Variants in RAD51AP1 observed in about 807,000 individuals in gnomAD.
RAD51AP1 encodes the protein RAD51 associated protein 1.
In RAD51AP1, 14 loss-of-function variants were observed where a neutral mutation model predicts 34.3. The ratio of observed to expected loss-of-function variants is 0.41; its 90% CI spans 0.27 to 0.64. RAD51AP1 has a LOEUF of 0.64. Among genes scored for constraint, RAD51AP1 ranks in the 30% least tolerant of loss-of-function variants. The probability of loss-of-function intolerance (pLI) is 0.33; values close to 1 mark genes in which losing one functional copy is unlikely to be tolerated. For missense variants in RAD51AP1, 348 were observed against 386.9 expected, an observed-to-expected ratio of 0.90 and a Z score of 0.84; for synonymous variants, 114 against 129.8, an observed-to-expected ratio of 0.88 and a Z score of 0.83.
rs1249856130 is a variant in RAD51AP1, at chr12:4,558,928, C to G, written c.943C>G (p.Leu315Val). ...VVSVKSPNQS[L>V]RLGLSRLARV... ...GTCTGTGAAGTCTCCCAATCAGAGTCTCCGCCTTGGCTTGTCCAGATTAGC... is the reference window on the plus strand; with the variant it reads ...GTCTGTGAAGTCTCCCAATCAGAGTGTCCGCCTTGGCTTGTCCAGATTAGC... Residue 315 changes from leucine to valine, a missense_variant, in exon 9 of 9, where the codon CTC (leucine) becomes GTC (valine). Coordinates refer to ENST00000352618, the MANE Select transcript of RAD51AP1 (RefSeq NM_006479.5). 6.2e-7 allele frequency: 1 copy of G among 1,614,162 alleles called. No homozygotes were observed. The highest frequency in any genetic ancestry group is 2.2e-5 in the East Asian group (1 of 44,886).
chr12:4,553,782 A>T (rs1354956475), intron 7 of RAD51AP1, among the ~76,000 whole-genome samples: 1 of 152,170 alleles, frequency 6.6e-6, no homozygotes, highest in African/African-American at 2.4e-5. Context: ...ATAGTATATG[A>T]TAGGTTATTG....
intron 7 of RAD51AP1, among the ~76,000 whole-genome samples, chr12:4,555,009 T>G (rs1944572514): frequency 6.6e-6 from 1 of 152,196 alleles, no homozygotes; most frequent in South Asian, 2.1e-4. Flanking sequence ...AAAACATTTC[T>G]ATAATCACAG....
chr12:4,553,335 G>A, intron 7 of RAD51AP1, 188 bp downstream of exon 7: 1 of 429,764 alleles, frequency 2.3e-6, no homozygotes. Flanking sequence ...CACTACGTAT[G>A]CTAGCACTTA....
At chr12:4,550,345 A>G (rs1565526066) in intron 6 of RAD51AP1, among the ~76,000 whole-genome samples, 1 of 152,254 alleles carries the variant, frequency 6.6e-6, no homozygotes, top group East Asian at 1.9e-4. Context: ...ATGCAGTATC[A>G]GAACTATTGG....
rs113155979 is a variant in RAD51AP1, at chr12:4,543,877, C to A, written c.182C>A (p.Pro61Gln). 3 of 1,611,652 alleles carry A rather than the reference C, an allele frequency of 1.9e-6. No individual in the cohort carries two copies. The Admixed American group carries it at 5.0e-5, about 27-fold the overall frequency. ...AACAATCTCCGGAAAGAAGAAATCC[C>A]AGTACAAGAGAAAACCCCTAAAAAA... ...NLNNLRKEEI[P>Q]VQEKTPKKRM... The change falls in exon 3 of 9, where the codon CCA (proline) becomes CAA (glutamine). Residue 61 changes from proline (P) to glutamine (Q), a missense_variant. Coordinates refer to ENST00000352618, the MANE Select transcript of RAD51AP1 (RefSeq NM_006479.5).
chr12:4,547,867 G>T lies in RAD51AP1; in HGVS notation c.320-225G>T, dbSNP rs114146840. ...TCTTAGGATAAGCAACTTGCCCATG[G>T]TCATATAGCCAGTTTACATGGTAGA... On this transcript the variant is annotated intron_variant, in intron 4 of 8. Coordinates refer to ENST00000352618, the MANE Select transcript of RAD51AP1 (RefSeq NM_006479.5). Among the ~76,000 whole-genome samples the T allele has an allele frequency of 1.8e-3, 274 of 152,256 alleles. 1 individual carries two copies. The highest frequency in any genetic ancestry group is 6.3e-3 in the African/African-American group (261 of 41,554).
rs1944487298 is a variant in RAD51AP1 at position 4,543,902 on chromosome 12, A to G, written c.207A>G (p.Lys69=). ...CAGTACAAGAGAAAACCCCTAAAAA[A>G]AGGTGAGAGGTAAGACATGCAGTAA... is the stretch of plus-strand genomic sequence containing the variant. ...EIPVQEKTPK[K]RMALDDKLYQ... is the part of the protein sequence containing the mutation. The change falls in exon 3 of 9, where the codon AAA becomes AAG. Residue 69 remains lysine (K), a splice_region_variant and synonymous_variant. Coordinates refer to ENST00000352618, the MANE Select transcript of RAD51AP1 (RefSeq NM_006479.5). 6.2e-7 allele frequency: 1 copy of G among 1,606,890 alleles called. No homozygotes were observed. Among genetic ancestry groups the G allele is most frequent in the Non-Finnish European group, 8.5e-7 (1 of 1,176,728 alleles).
chr12:4,543,640 A>T (rs999651377), intron 2 of RAD51AP1, 123 bp from the exon 3 acceptor site: 2 of 635,782 alleles, frequency 3.1e-6, no homozygotes, highest in Middle Eastern at 4.5e-4. Context: ...ACTAACAATG[A>T]TTTTTAAATT....
intron 2 of RAD51AP1, among the ~76,000 whole-genome samples, chr12:4,542,566 A>G (rs1323755014): frequency 2.7e-5 from 4 of 146,342 alleles, no homozygotes; most frequent in East Asian, 3.9e-4. Flanking sequence ...AGAGTATAAC[A>G]TCTAGCTTTT....
At chr12:4,544,045 G>T in intron 3 of RAD51AP1, 141 bp downstream of exon 3, 1 of 589,156 alleles carries the variant, frequency 1.7e-6, no homozygotes. Context: ...AAAACAGGAC[G>T]TACTATTTTT....
intron 8 of RAD51AP1, among the ~76,000 whole-genome samples, chr12:4,557,841 C>G (rs544037423): frequency 6.6e-6 from 1 of 152,276 alleles, no homozygotes; most frequent in Admixed American, 6.5e-5. Flanking sequence ...TTGAAGGAAG[C>G]AGCTGCTACT....
At chr12:4,556,263 T>G in intron 7 of RAD51AP1, 90 bp from the exon 8 acceptor site, 2 of 957,416 alleles carry the variant, frequency 2.1e-6, no homozygotes, top group South Asian at 3.0e-5. Context: ...TTTTATATGA[T>G]TATGTAACTT....
intron 4 of RAD51AP1, 128 bp from the exon 5 acceptor site, chr12:4,547,964 A>G: frequency 9.5e-6 from 9 of 950,632 alleles, no homozygotes; most frequent in Non-Finnish European, 1.2e-5. Context: ...GAATAAAATT[A>G]TTGTGCCAGT....
rs776188063 is a variant in RAD51AP1 at position 4,556,462 on chromosome 12, T to C, written c.831T>C (p.Ser277=). The part of the protein sequence containing the change: ...DTTRKPLEIR[S]PSAESKKPKW... ...CTAGGAAACCATTAGAAATACGCAGTCCTTCAGCTGAAAGCAAGAAACCTA... is the reference window on the plus strand; with the variant it reads ...CTAGGAAACCATTAGAAATACGCAGCCCTTCAGCTGAAAGCAAGAAACCTA... Residue 277 remains serine, a synonymous_variant, in exon 8 of 9, where the codon AGT becomes AGC. Transcript: ENST00000352618. The C allele has an allele frequency of 1.2e-6, 2 of 1,613,588 alleles. No homozygotes were observed. The highest frequency in any genetic ancestry group is 1.7e-6 in the Non-Finnish European group (2 of 1,179,650).
At position 4,548,106 on chromosome 12, in the gene RAD51AP1, G is replaced by A; in HGVS notation, c.334G>A (p.Gly112Ser). The change falls in exon 5 of 9, where the codon GGC becomes AGC. Residue 112 changes from glycine to serine, a missense_variant. Transcript: ENST00000352618. ...NSQDKSIEKH[G>S]SSKIETMNKS... ...CTTATATTTAGGCATTGAAAAACAT[G>A]GCAGTAGTAAAATAGAAACAATGAA... 6.3e-7 allele frequency: 1 copy of A among 1,598,884 alleles called. No individual in the cohort carries two copies. The highest frequency in any genetic ancestry group is 8.5e-7 in the Non-Finnish European group (1 of 1,176,134).
At chr12:4,552,788 CTG>C (rs1174179008) in intron 6 of RAD51AP1, among the ~76,000 whole-genome samples, 193 bp from the exon 7 acceptor site, 1 of 152,166 alleles carries the variant, frequency 6.6e-6, no homozygotes, top group Non-Finnish European at 1.5e-5. Flanking sequence ...GGTGAGGAAA[CTG>C]AGGCTCAGTG....
At chr12:4,556,534 T>C (rs976855388) in intron 8 of RAD51AP1, 32 bp downstream of exon 8, 2 of 1,591,196 alleles carry the variant, frequency 1.3e-6, no homozygotes, top group Non-Finnish European at 1.7e-6. Context: ...GGACAGGAGC[T>C]TGGAAAATTA....
chr12:4,546,628 G>T (rs1332723718), intron 4 of RAD51AP1, among the ~76,000 whole-genome samples: 1 of 152,162 alleles, frequency 6.6e-6, no homozygotes, highest in Non-Finnish European at 1.5e-5. Context: ...TTAACACCCA[G>T]AATAAGCTTG....
rs147167939 is a variant in RAD51AP1, at chr12:4,548,710, G to T, written c.430G>T (p.Asp144Tyr). The T allele has an allele frequency of 1.2e-6, 2 of 1,613,808 alleles. No individual in the cohort carries two copies. The highest frequency in any genetic ancestry group is 1.7e-6 in the Non-Finnish European group (2 of 1,179,878). The part of the protein sequence containing the change: ...YLDLDKITVE[D>Y]DVGGVQGKRK... ...AGATTTGGATAAGATTACTGTGGAAGATGATGTTGGTGGTGTTCAAGGGAA... is the reference window on the plus strand; with the variant it reads ...AGATTTGGATAAGATTACTGTGGAATATGATGTTGGTGGTGTTCAAGGGAA... The change falls in exon 6 of 9, where the codon GAT (aspartate) becomes TAT (tyrosine). Residue 144 changes from aspartate to tyrosine, a missense_variant. By Grantham distance (160) the Asp-to-Tyr change is radical. Transcript: ENST00000352618.
Sources: allele counts gnomAD v4.1 joint callset (sites outside exome capture counted in the v4.1 genomes callset), GRCh38; gene constraint gnomAD v4.1.1; transcripts MANE v1.5; gene names NCBI Gene and HGNC (gene_info 2026-07-23, HGNC 2026-07-21).